Variants in STK39 observed in about 807,000 individuals in gnomAD.
STK39 encodes the protein STE20/SPS1-related proline-alanine-rich protein kinase.
STK39 carries 20 observed loss-of-function variants against 77.8 expected under a neutral mutation model. The observed-to-expected ratio is 0.26, with a 90% CI of 0.18 to 0.37. The LOEUF (loss-of-function observed/expected upper bound fraction) is 0.37, where lower values mean the gene tolerates loss of function less well. Among genes scored for constraint, STK39 ranks in the 10% least tolerant of loss-of-function variants. The probability of loss-of-function intolerance (pLI) is 1.00; values close to 1 mark genes in which losing one functional copy is unlikely to be tolerated. For synonymous variants in STK39, 246 were observed against 234.1 expected (o/e 1.05, Z -0.47); for missense variants, 479 against 656.5 (o/e 0.73, Z 2.95).
intron 16 of STK39, among the ~76,000 whole-genome samples, chr2:168,009,448 A>T (rs1191493852): frequency 1.3e-5 from 2 of 152,220 alleles, no homozygotes; most frequent in Non-Finnish European, 2.9e-5. Flanking sequence ...ATTTAAAATT[A>T]CCTGGATCCA....
intron 1 of STK39, among the ~76,000 whole-genome samples, chr2:168,203,091 G>C (rs1273346980): frequency 6.6e-6 from 1 of 152,102 alleles, no homozygotes; most frequent in Non-Finnish European, 1.5e-5. Context: ...AAGATGTTTA[G>C]AGCATCCCCG....
chr2:167,964,293 C>T (rs1692084988), intron 17 of STK39: 1 of 176,512 alleles, frequency 5.7e-6, no homozygotes, highest in South Asian at 1.4e-4. Flanking sequence ...GTTAGAACCA[C>T]TTGGCTTTTG....
chr2:167,999,034 C>T (rs1056445484), intron 16 of STK39, among the ~76,000 whole-genome samples: 3 of 99,824 alleles, frequency 3.0e-5, no homozygotes, highest in Admixed American at 1.2e-4. Context: ...ATTCAGTTTT[C>T]GCAAGTCATT....
intron 1 of STK39, among the ~76,000 whole-genome samples, chr2:168,224,056 G>A (rs982721425): frequency 7.3e-5 from 11 of 151,636 alleles, no homozygotes; most frequent in South Asian, 2.1e-4. Context: ...TTTTGCCTCT[G>A]TAAACATAAA....
intron 10 of STK39, among the ~76,000 whole-genome samples, chr2:168,114,490 A>T (rs1687207436): frequency 6.6e-6 from 1 of 152,222 alleles, no homozygotes; most frequent in Non-Finnish European, 1.5e-5. Context: ...TTTCAACTTC[A>T]TAAAAACCCT....
At chr2:167,990,088 T>A (rs930609132) in intron 16 of STK39, among the ~76,000 whole-genome samples, 1 of 151,826 alleles carries the variant, frequency 6.6e-6, no homozygotes, top group Non-Finnish European at 1.5e-5. Flanking sequence ...CAACAGATAA[T>A]TCAATAAGGT....
At chr2:168,112,881 C>CAGGGGATT (rs1042987411) in intron 10 of STK39, 14 of 152,162 alleles carry the variant, frequency 9.2e-5, no homozygotes, top group African/African-American at 3.4e-4. Context: ...CCTGAGGGAT[C>CAGGGGATT]AGGGGATTAC....
intron 16 of STK39, among the ~76,000 whole-genome samples, chr2:167,982,725 C>G (rs755824156): frequency 1.3e-5 from 2 of 152,102 alleles, no homozygotes; most frequent in Admixed American, 6.6e-5. Context: ...AAATGAAAGA[C>G]CTGGGAGTAC....
At chr2:168,121,680 C>A (rs1362879686) in intron 10 of STK39, among the ~76,000 whole-genome samples, 1 of 152,226 alleles carries the variant, frequency 6.6e-6, no homozygotes, top group Non-Finnish European at 1.5e-5. Flanking sequence ...ACACTCTCTT[C>A]ACTCCTGATT....
At chr2:167,994,009 T>C (rs1683767558) in intron 16 of STK39, among the ~76,000 whole-genome samples, 1 of 152,224 alleles carries the variant, frequency 6.6e-6, no homozygotes, top group African/African-American at 2.4e-5. Context: ...GGAGTCTCCT[T>C]AAAGGAAAAC....
rs1218906593 is a variant in STK39, at chr2:168,195,364, C to CA, written c.209-13275dup. On this transcript the variant is annotated intron_variant, in intron 1 of 17. Coordinates refer to ENST00000355999, the MANE Select transcript of STK39 (RefSeq NM_013233.3). ...GCAGTGAGCCACGATGGCACTACTGCACTCCAGCCTGGGCAACAGAGCAAG... is the reference window on the plus strand; with the variant it reads ...GCAGTGAGCCACGATGGCACTACTGCAACTCCAGCCTGGGCAACAGAGCAAG... 3.9e-5 allele frequency among the ~76,000 whole-genome samples: 6 copies of CA among 152,208 alleles called. No individual in the cohort carries two copies. The East Asian group carries it at 1.2e-3, about 29-fold the overall frequency.
chr2:168,083,305 C>T (rs564800162), intron 10 of STK39, among the ~76,000 whole-genome samples: 2 of 149,160 alleles, frequency 1.3e-5, no homozygotes, highest in South Asian at 2.1e-4. Flanking sequence ...TGTCATTCTA[C>T]TTTGTGTTAC....
Position 167,963,535 on chromosome 2 carries a change from AAAC to A in STK39, c.1563+1124_1563+1126del, listed in dbSNP as rs553873839. 7.6e-3 allele frequency among the ~76,000 whole-genome samples: 1,112 copies of A among 147,066 alleles called. 23 individuals are homozygous for A. Among genetic ancestry groups the A allele is most frequent in the African/African-American group, 0.028 (1,071 of 37,666 alleles). ...TATACTCTCACATTAAAAAAAAAAA[AAAC>A]ACACACATTAAGAGGTGACAGTGTC... On this transcript the variant is annotated intron_variant, in intron 17 of 17. Transcript: ENST00000355999.
At chr2:167,957,200 A>C (rs1009062787) in intron 17 of STK39, among the ~76,000 whole-genome samples, 12 of 152,220 alleles carry the variant, frequency 7.9e-5, no homozygotes, top group Non-Finnish European at 4.4e-5. Flanking sequence ...GCTTATGTAA[A>C]AAAGTCACTA....
Position 168,247,548 on chromosome 2 carries a change from C to CCGCCGCCGCCGCCGCCGCCGT in STK39, c.-114_-113insACGGCGGCGGCGGCGGCGGCG, listed in dbSNP as rs1403275650. The stretch of plus-strand genomic sequence containing the variant: ...GGCCGGCGCACGCCCTCCCCGCCCG[C>CCGCCGCCGCCGCCGCCGCCGT]CGCCGCCGCCGCCGTCCCCGCCGAA... On this transcript the variant is annotated 5_prime_UTR_variant, in exon 1 of 18. Transcript: ENST00000355999. 5.3e-4 allele frequency: 355 copies of CCGCCGCCGCCGCCGCCGCCGT among 667,528 alleles called. 3 individuals are homozygous for CCGCCGCCGCCGCCGCCGCCGT. The highest frequency in any genetic ancestry group is 1.3e-3 in the Admixed American group (24 of 17,994). The allele number at this position is 667,528 out of a possible 1,614,324, so 41.4% of individuals were successfully genotyped here. A position where few individuals can be genotyped will look rare whatever the true frequency, so the allele number is the denominator to read the frequency against.
At chr2:168,220,511 T>C (rs1690140904) in intron 1 of STK39, among the ~76,000 whole-genome samples, 1 of 152,136 alleles carries the variant, frequency 6.6e-6, no homozygotes, top group South Asian at 2.1e-4. Flanking sequence ...AAAAAGTACT[T>C]GGCAGAGCAG....
At chr2:168,118,297 C>T (rs1687310287) in intron 10 of STK39, among the ~76,000 whole-genome samples, 1 of 152,156 alleles carries the variant, frequency 6.6e-6, no homozygotes, top group African/African-American at 2.4e-5. Flanking sequence ...TGTTTGAAGA[C>T]TATCCAGACC....
intron 16 of STK39, among the ~76,000 whole-genome samples, chr2:167,996,424 C>A (rs561345262): frequency 6.6e-6 from 1 of 152,310 alleles, no homozygotes; most frequent in South Asian, 2.1e-4. Flanking sequence ...GAAGTCTGTA[C>A]AAACGAGTTT....
chr2:168,194,250 T>A (rs574413273), intron 1 of STK39, among the ~76,000 whole-genome samples: 1 of 152,146 alleles, frequency 6.6e-6, no homozygotes, highest in African/African-American at 2.4e-5. Context: ...CCCTTCTCTA[T>A]TTAAAAAATA....
Sources: allele counts gnomAD v4.1 joint callset (sites outside exome capture counted in the v4.1 genomes callset), GRCh38; gene constraint gnomAD v4.1.1; transcripts MANE v1.5; gene names NCBI Gene and HGNC (gene_info 2026-07-23, HGNC 2026-07-21).